The following IFFO2 variants were observed in gnomAD, a reference collection of about 807,000 sequenced individuals.
IFFO2 encodes intermediate filament family orphan 2.
Under a neutral mutation model 53.5 loss-of-function variants are expected in IFFO2, and 19 were observed. The ratio of observed to expected loss-of-function variants is 0.36; its 90% CI spans 0.25 to 0.52. The LOEUF (loss-of-function observed/expected upper bound fraction) is 0.52, where lower values mean the gene tolerates loss of function less well. IFFO2 is among the 20% of genes least tolerant of loss of function. The pLI is 0.94. For missense variants in IFFO2, 570 were observed against 727.4 expected (o/e 0.78, Z 2.49); for synonymous variants, 303 against 313.6 (o/e 0.97, Z 0.36).
At chr1:18,914,078 G>A (rs1284890107) in intron 5 of IFFO2, among the ~76,000 whole-genome samples, 10 of 152,218 alleles carry the variant, frequency 6.6e-5, no homozygotes, top group Non-Finnish European at 5.9e-5. Flanking sequence ...TGATCCGCCT[G>A]CCTCGGCCTC....
intron 1 of IFFO2, 119 bp from the exon 2 acceptor site, chr1:18,921,240 T>G: frequency 1.2e-6 from 1 of 869,138 alleles, no homozygotes; most frequent in South Asian, 1.5e-5. Flanking sequence ...GAAGGTGCAT[T>G]GGGGCATCCA....
Position 18,936,955 on chromosome 1 carries a change from C to CA in IFFO2, c.666-15835dup, listed in dbSNP as rs58010345. Among the ~76,000 whole-genome samples, 113,873 of 137,848 alleles carry CA rather than the reference C, an allele frequency of 0.83. 48,276 individuals carry two copies. Among genetic ancestry groups the CA allele is most frequent in the South Asian group, 0.93 (4,035 of 4,362 alleles). The allele number at this position is 137,848 out of a possible 152,430, so 90.4% of individuals were successfully genotyped here. ...AAACACAAACTGGCTGCAGGTGGGG[C>CA]AAAAAAAAAAAAAAAGCACAGAACA... is the stretch of plus-strand genomic sequence containing the variant. On this transcript the variant is annotated intron_variant, in intron 1 of 8. Transcript: ENST00000455833. The surrounding 1 kb of genome is among the most constrained non-coding windows in gnomAD (Gnocchi z 4.5).
At chr1:18,942,621 G>C (rs1163845947) in intron 1 of IFFO2, among the ~76,000 whole-genome samples, 1 of 152,148 alleles carries the variant, frequency 6.6e-6, no homozygotes, top group Non-Finnish European at 1.5e-5. Flanking sequence ...CCCAAATCAC[G>C]GGCCAACAGG....
chr1:18,948,314 G>T (rs969085129), intron 1 of IFFO2, among the ~76,000 whole-genome samples: 5 of 152,182 alleles, frequency 3.3e-5, no homozygotes, highest in African/African-American at 1.2e-4. Flanking sequence ...AGATTAAATG[G>T]CATGCACAGA....
intron 1 of IFFO2, among the ~76,000 whole-genome samples, chr1:18,926,107 T>A (rs59806389): frequency 3.8e-4 from 20 of 52,340 alleles, no homozygotes; most frequent in African/African-American, 8.3e-4. Context: ...GATGGATTGG[T>A]TGGATGGATA....
At chr1:18,949,907 G>A (rs1411607332) in intron 1 of IFFO2, among the ~76,000 whole-genome samples, 1 of 152,242 alleles carries the variant, frequency 6.6e-6, no homozygotes, top group Non-Finnish European at 1.5e-5. Flanking sequence ...CTCTGAGAAG[G>A]AATCTTCAGC....
chr1:18,913,122 C>T (rs148863284), intron 5 of IFFO2, among the ~76,000 whole-genome samples: 220 of 152,366 alleles, frequency 1.4e-3, no homozygotes, highest in Middle Eastern at 0.01. Context: ...CCTGGATCCT[C>T]CAGAGCAACA....
In IFFO2 at chr1:18,956,162, C is replaced by A; in HGVS notation, c.171G>T (p.Leu57Phe). The A allele has an allele frequency of 6.7e-7, 1 of 1,484,686 alleles. No individual in the cohort carries two copies. The highest frequency in any genetic ancestry group is 9.0e-7 in the Non-Finnish European group (1 of 1,107,468). 92.0% of individuals were successfully genotyped at this position (1,484,686 alleles called of 1,614,324 possible). ...AGCGGAAGCGCACGTTGAGCCCCTT[C>A]AAGAGGTGGATGTTGGAGCCCAGGT... The part of the protein sequence containing the change: ...RDDLGSNIHL[L>F]KGLNVRFRCF... The change falls in exon 1 of 9, where the codon TTG (leucine) becomes TTT (phenylalanine). Residue 57 changes from leucine to phenylalanine, a missense_variant. Coordinates refer to ENST00000455833, the MANE Select transcript of IFFO2 (RefSeq NM_001136265.2). This position sits in a 1 kb window ranked among gnomAD's most constrained non-coding sequence, Gnocchi z 6.4.
intron 5 of IFFO2, among the ~76,000 whole-genome samples, chr1:18,915,922 C>T (rs531307512): frequency 1.3e-5 from 2 of 151,858 alleles, no homozygotes; most frequent in East Asian, 1.9e-4. Context: ...GTCAGGAGTT[C>T]GAGACCAGCC....
At chr1:18,926,793 G>C (rs929071747) in intron 1 of IFFO2, among the ~76,000 whole-genome samples, 1 of 151,524 alleles carries the variant, frequency 6.6e-6, no homozygotes, top group East Asian at 1.9e-4. Flanking sequence ...CTGCCCTACA[G>C]AGGGGCGGAA....
At chr1:18,921,210 A>G in intron 1 of IFFO2, 89 bp from the exon 2 acceptor site, 1 of 1,157,508 alleles carries the variant, frequency 8.6e-7, no homozygotes, top group South Asian at 1.3e-5. Context: ...CCACCCAGGG[A>G]CTATCTTGAG....
chr1:18,924,487 C>T (rs540599050), intron 1 of IFFO2, among the ~76,000 whole-genome samples: 1 of 152,338 alleles, frequency 6.6e-6, no homozygotes, highest in Admixed American at 6.5e-5. Context: ...TGTCTGCCAC[C>T]AAGAGGCGGG....
chr1:18,910,225 G>GGACA, intron 8 of IFFO2, 117 bp downstream of exon 8: 1 of 1,171,200 alleles, frequency 8.5e-7, no homozygotes, highest in East Asian at 2.6e-5. Context: ...ACGGACGGAC[G>GGACA]GACAGATGGA....
At chr1:18,915,204 G>A (rs28545540) in intron 5 of IFFO2, among the ~76,000 whole-genome samples, 12,534 of 152,176 alleles carry the variant, frequency 0.082, 699 homozygotes, top group East Asian at 0.2. Flanking sequence ...TGAAGTGGCT[G>A]GGCAGAGTGA....
intron 1 of IFFO2, among the ~76,000 whole-genome samples, chr1:18,951,948 A>T (rs1569870014): frequency 6.6e-6 from 1 of 152,280 alleles, no homozygotes; most frequent in Non-Finnish European, 1.5e-5. Flanking sequence ...GAGCAAGCTG[A>T]GAGAGATCAC....
In IFFO2 at chr1:18,919,986, G is replaced by A. The variant is rs1052903606; in HGVS notation, c.727-213C>T. Among the ~76,000 whole-genome samples, 6 of 152,218 alleles carry A rather than the reference G, an allele frequency of 3.9e-5. No individual in the cohort carries two copies. The highest frequency in any genetic ancestry group is 4.8e-5 in the African/African-American group (2 of 41,458). ...CACTTTTCAAAGCGTTATCTATTAC[G>A]TGGGAAAATCCATGGAAGGTATTAA... On this transcript the variant is annotated intron_variant, in intron 2 of 8. Transcript: ENST00000455833. This position sits in a 1 kb window ranked among gnomAD's most constrained non-coding sequence, Gnocchi z 4.9.
At chr1:18,955,402 A>G (rs1936710847) in intron 1 of IFFO2, among the ~76,000 whole-genome samples, 1 of 152,230 alleles carries the variant, frequency 6.6e-6, no homozygotes, top group Non-Finnish European at 1.5e-5. Flanking sequence ...CGCATAAAAC[A>G]CAGACAGTTA....
rs183795099 is a variant in IFFO2 at position 18,946,712 on chromosome 1, G to A, written c.665+8956C>T. Among the ~76,000 whole-genome samples, 13 of 150,776 alleles carry A rather than the reference G, an allele frequency of 8.6e-5. No individual in the cohort carries two copies. The East Asian group carries it at 1.4e-3, about 16-fold the overall frequency. ...GATTACAGGCATGAGCTACCGCACC[G>A]GGCCTGGGCTTGCCACTTTCAAGGT... On this transcript the variant is annotated intron_variant, in intron 1 of 8. Coordinates refer to ENST00000455833, the MANE Select transcript of IFFO2 (RefSeq NM_001136265.2).
Position 18,928,333 on chromosome 1 carries a change from C to T in IFFO2, c.666-7212G>A, listed in dbSNP as rs1041862197. Among the ~76,000 whole-genome samples, 3 of 152,172 alleles carry T rather than the reference C, an allele frequency of 2.0e-5. No homozygotes were observed. Among genetic ancestry groups the T allele is most frequent in the Non-Finnish European group, 2.9e-5 (2 of 68,034 alleles). On this transcript the variant is annotated intron_variant, in intron 1 of 8. Transcript: ENST00000455833. This position sits in a 1 kb window ranked among gnomAD's most constrained non-coding sequence, Gnocchi z 4.9. ...CTGCCCAGCTGTACTCTCCAGCTCT[C>T]GGAAGGAAAGACAAATTAAATGCCA...
Sources: allele counts gnomAD v4.1 joint callset (sites outside exome capture counted in the v4.1 genomes callset), GRCh38; gene constraint gnomAD v4.1.1; non-coding constraint Gnocchi (gnomAD v3.1); transcripts MANE v1.5; gene names NCBI Gene and HGNC (gene_info 2026-07-23, HGNC 2026-07-21).